PRPSAP2: variants seen among roughly 807,000 people sequenced by gnomAD.
PRPSAP2 encodes phosphoribosyl pyrophosphate synthase-associated protein 2.
Under a neutral mutation model 40.6 loss-of-function variants are expected in PRPSAP2, and 24 were observed. The observed-to-expected ratio is 0.59, with a 90% CI of 0.43 to 0.83. The LOEUF (loss-of-function observed/expected upper bound fraction) is 0.83. Ranked by LOEUF, PRPSAP2 falls within the 40% of genes least tolerant of loss-of-function variation. The probability of loss-of-function intolerance (pLI) is 0.00; values close to 1 mark genes in which losing one functional copy is unlikely to be tolerated. For synonymous variants in PRPSAP2, 149 were observed against 164.7 expected, an observed-to-expected ratio of 0.90 and a Z score of 0.73; for missense variants, 292 against 465.6, an observed-to-expected ratio of 0.63 and a Z score of 3.43.
chr17:18,892,727 G>GTGTGTGTGTTTATTTATT (rs60288281), intron 8 of PRPSAP2, among the ~76,000 whole-genome samples: 2 of 126,626 alleles, frequency 1.6e-5, no homozygotes, highest in Non-Finnish European at 3.3e-5. Flanking sequence ...GTGTGTGTGT[G>GTGTGTGTGTTTATTTATT]TATTTATTTA....
chr17:18,915,215 G>A (rs181731746), intron 9 of PRPSAP2, among the ~76,000 whole-genome samples: 99 of 151,468 alleles, frequency 6.5e-4, no homozygotes, highest in Admixed American at 1.9e-3. Context: ...TGTAGAGATG[G>A]AGTTTTGCCA....
upstream of PRPSAP2, chr17:18,857,788 G>A (rs2036690594): frequency 6.6e-6 from 1 of 152,258 alleles, no homozygotes; most frequent in African/African-American, 2.4e-5. Flanking sequence ...TTTCAGATGA[G>A]GAAACAAGCT....
At chr17:18,898,543 C>T (rs1173430542) in intron 8 of PRPSAP2, among the ~76,000 whole-genome samples, 6 of 152,110 alleles carry the variant, frequency 3.9e-5, no homozygotes, top group East Asian at 1.9e-4. Context: ...TGAAGGACAT[C>T]GTTGCTGGGT....
chr17:18,882,537 T>C, intron 6 of PRPSAP2, 31 bp from the exon 7 acceptor site: 1 of 1,388,510 alleles, frequency 7.2e-7, no homozygotes. Context: ...AACAAAACTA[T>C]TTATTGCTTG....
intron 9 of PRPSAP2, chr17:18,917,504 G>A (rs1218209655): frequency 2.7e-5 from 4 of 147,342 alleles, no homozygotes; most frequent in African/African-American, 5.0e-5. Context: ...CTCCTGGGTA[G>A]CTGGGACTAC....
chr17:18,905,551 T>C (rs964583166), intron 8 of PRPSAP2, among the ~76,000 whole-genome samples: 1 of 152,154 alleles, frequency 6.6e-6, no homozygotes, highest in African/African-American at 2.4e-5. Flanking sequence ...CTCTGCCCCA[T>C]TGTTCTGTCT....
chr17:18,897,586 T>G (rs1324848962), intron 8 of PRPSAP2, among the ~76,000 whole-genome samples: 1 of 151,836 alleles, frequency 6.6e-6, no homozygotes, highest in East Asian at 1.9e-4. Flanking sequence ...CTCAGCCTCC[T>G]GAGTAGCTGG....
At chr17:18,878,729 G>C (rs895039029) in intron 6 of PRPSAP2, among the ~76,000 whole-genome samples, 1 of 151,942 alleles carries the variant, frequency 6.6e-6, no homozygotes, top group African/African-American at 2.4e-5. Flanking sequence ...GGCTAATTTT[G>C]TATTTTTAGT....
At chr17:18,869,321 ATTTTCTTTTC>A (rs931022937) in intron 4 of PRPSAP2, among the ~76,000 whole-genome samples, 7 of 148,254 alleles carry the variant, frequency 4.7e-5, no homozygotes, top group Admixed American at 1.4e-4. Flanking sequence ...TCTAAAGCTC[ATTTTCTTTTC>A]TTTTCTTTTC....
Position 18,877,744 on chromosome 17 carries a change from T to C in PRPSAP2, c.286T>C (p.Cys96Arg). 1 of 1,613,994 alleles carries C rather than the reference T, an allele frequency of 6.2e-7. No homozygotes were observed. Among genetic ancestry groups the C allele is most frequent in the South Asian group, 1.1e-5 (1 of 91,062 alleles). Residue 96 changes from cysteine (C) to arginine (R), a missense_variant, in exon 6 of 12, where the codon TGT (cysteine) becomes CGT (arginine). By Grantham distance (180) the Cys-to-Arg change is radical. Coordinates refer to ENST00000268835, the MANE Select transcript of PRPSAP2 (RefSeq NM_002767.4). ...GGAGCTCCTGATCATGGTGTATGCATGTAAGACCTCTTGTGCCAAGAGCAT... is the reference window on the plus strand; with the variant it reads ...GGAGCTCCTGATCATGGTGTATGCACGTAAGACCTCTTGTGCCAAGAGCAT... ...IMELLIMVYACKTSCAKSIIG... is the reference protein window; with the variant it reads ...IMELLIMVYARKTSCAKSIIG...
At chr17:18,876,227 G>A (rs889855239) in intron 5 of PRPSAP2, among the ~76,000 whole-genome samples, 1 of 152,148 alleles carries the variant, frequency 6.6e-6, no homozygotes, top group African/African-American at 2.4e-5. Context: ...AAATAAAAGA[G>A]AAATTTAAAA....
chr17:18,910,174 C>T (rs1054810622), intron 8 of PRPSAP2, among the ~76,000 whole-genome samples: 2 of 152,120 alleles, frequency 1.3e-5, no homozygotes, highest in Non-Finnish European at 2.9e-5. Flanking sequence ...AATCCCAGCA[C>T]TTTGGGAGGT....
At chr17:18,886,923 TTTC>T (rs1232913216) in intron 7 of PRPSAP2, among the ~76,000 whole-genome samples, 68 of 141,614 alleles carry the variant, frequency 4.8e-4, no homozygotes, top group African/African-American at 1.8e-3. Context: ...TAATTTTTCT[TTTC>T]TTCTTTTTTT....
chr17:18,869,836 TTTTTTTTGTGTGTGTG>T (rs1183542597), intron 4 of PRPSAP2, among the ~76,000 whole-genome samples: 2 of 141,268 alleles, frequency 1.4e-5, no homozygotes, highest in African/African-American at 5.6e-5. Flanking sequence ...TTTTGCTACT[TTTTTTTTGTGTGTGTG>T]TGTGTGTGTG....
chr17:18,905,247 A>G (rs985671297), intron 8 of PRPSAP2, among the ~76,000 whole-genome samples: 2 of 152,118 alleles, frequency 1.3e-5, no homozygotes, highest in African/African-American at 4.8e-5. Flanking sequence ...GCTGGTCTCA[A>G]ACTCCTGACC....
At chr17:18,892,251 A>G in intron 8 of PRPSAP2, among the ~76,000 whole-genome samples, 1 of 149,208 alleles carries the variant, frequency 6.7e-6, no homozygotes, top group Admixed American at 6.7e-5. Flanking sequence ...TTTTTTTTTT[A>G]CCGTTTGGCT....
At chr17:18,899,519 GTTTTTTTTT>G (rs574203117) in intron 8 of PRPSAP2, among the ~76,000 whole-genome samples, 1 of 60,554 alleles carries the variant, frequency 1.7e-5, no homozygotes, top group East Asian at 4.5e-4. Flanking sequence ...ATCCAACTGA[GTTTTTTTTT>G]TTTTTTTTTT....
chr17:18,862,965 C>T (rs1465111398), intron 1 of PRPSAP2, among the ~76,000 whole-genome samples: 13 of 151,176 alleles, frequency 8.6e-5, no homozygotes, highest in East Asian at 2.0e-4. Context: ...GGACTGTAGG[C>T]GCCCACCACC....
rs59891086 is a variant in PRPSAP2 at position 18,885,429 on chromosome 17, A to AAAAAAAAT, written c.528+2746_528+2747insAAAAAAAT. ...AAAAAAAAAAAAAAAAAAAAAAAAA[A>AAAAAAAAT]TTAATATGTGGGAACTCAGTGTTAA... On this transcript the variant is annotated intron_variant, in intron 7 of 11. Coordinates refer to ENST00000268835, the MANE Select transcript of PRPSAP2 (RefSeq NM_002767.4). Among the ~76,000 whole-genome samples the AAAAAAAAT allele has an allele frequency of 1.4e-3, 153 of 109,294 alleles. 12 individuals carry two copies. Among genetic ancestry groups the AAAAAAAAT allele is most frequent in the Non-Finnish European group, 1.9e-3 (100 of 53,714 alleles). 71.7% of individuals were successfully genotyped at this position (109,294 alleles called of 152,430 possible). A position where few individuals can be genotyped will look rare whatever the true frequency, so the allele number is the denominator to read the frequency against.
Sources: allele counts gnomAD v4.1 joint callset (sites outside exome capture counted in the v4.1 genomes callset), GRCh38; gene constraint gnomAD v4.1.1; transcripts MANE v1.5; gene names NCBI Gene and HGNC (gene_info 2026-07-23, HGNC 2026-07-21).